Variants in LARS2 observed in about 807,000 individuals in gnomAD.
The protein encoded by LARS2 is leucyl-tRNA synthetase 2, mitochondrial, also known as leucine--tRNA ligase, mitochondrial.
Under a neutral mutation model 116.6 loss-of-function variants are expected in LARS2, and 81 were observed. The observed-to-expected ratio is 0.69, with a 90% CI of 0.58 to 0.84. The LOEUF is 0.84. LARS2 is among the 40% of genes least tolerant of loss of function. The pLI is 0.00. For missense variants in LARS2, 968 were observed against 1,114.5 expected (o/e 0.87, Z 1.87); for synonymous variants, 396 against 407.2 (o/e 0.97, Z 0.33).
At chr3:45,484,630 A>ATATATATATAT (rs1313520791) in intron 10 of LARS2, among the ~76,000 whole-genome samples, 1 of 9,748 alleles carries the variant, frequency 1.0e-4, no homozygotes. Flanking sequence ...AAAAAAAAAA[A>ATATATATATAT]ATATATATAT....
At chr3:45,476,063 CCT>C (rs1491367167) in intron 9 of LARS2, among the ~76,000 whole-genome samples, 1 of 48,032 alleles carries the variant, frequency 2.1e-5, no homozygotes, top group East Asian at 1.6e-3. Flanking sequence ...AAAGTAGATG[CCT>C]TTTTTTTTTT....
At chr3:45,479,947 T>C (rs1699670943) in intron 10 of LARS2, among the ~76,000 whole-genome samples, 1 of 152,220 alleles carries the variant, frequency 6.6e-6, no homozygotes. Flanking sequence ...CTTGGAACTC[T>C]GTTGTTATTG....
chr3:45,416,346 GAGAT>G (rs1698422062), intron 4 of LARS2, among the ~76,000 whole-genome samples: 1 of 152,094 alleles, frequency 6.6e-6, no homozygotes, highest in South Asian at 2.1e-4. Flanking sequence ...GAGAGAGAGA[GAGAT>G]AGAAGAAAGA....
Position 45,476,540 on chromosome 3 carries a change from C to A in LARS2, c.931C>A (p.His311Asn). The change falls in exon 10 of 22, where the codon CAC (histidine) becomes AAC (asparagine). Residue 311 changes from histidine (H) to asparagine (N), a missense_variant. Transcript: ENST00000645846. Reference sequence around the variant, plus strand: ...CCCTGAAGCCATTTATGGCACCTCCCACGTGGCCATCTCGCCCAGCCACAG... The same window carrying A: ...CCCTGAAGCCATTTATGGCACCTCCAACGTGGCCATCTCGCCCAGCCACAG... ...ATPEAIYGTSHVAISPSHRLL... is the reference protein window; with the variant it reads ...ATPEAIYGTSNVAISPSHRLL... 1 of 1,614,218 alleles carries A rather than the reference C, an allele frequency of 6.2e-7. No individual in the cohort carries two copies. The highest frequency in any genetic ancestry group is 1.1e-5 in the South Asian group (1 of 91,090).
rs902422236 is a variant in LARS2, at chr3:45,476,626, A to G, written c.1017A>G (p.Lys339=). 5 of 1,613,940 alleles carry G rather than the reference A, an allele frequency of 3.1e-6. No homozygotes were observed. The Admixed American group carries it at 6.7e-5, about 22-fold the overall frequency. ...EALRMALVPG[K]DCLTPVMAVN... is the part of the protein sequence containing the mutation. ...TGAGGATGGCCCTTGTCCCTGGCAA[A>G]GGTGAGCTGGCAAGTTAACGGCTCA... Residue 339 remains lysine, a splice_region_variant and synonymous_variant, in exon 10 of 22, where the codon AAA becomes AAG. Transcript: ENST00000645846.
chr3:45,538,969 C>T (rs975210753), intron 20 of LARS2, among the ~76,000 whole-genome samples: 1 of 152,104 alleles, frequency 6.6e-6, no homozygotes, highest in African/African-American at 2.4e-5. Flanking sequence ...ACATTCTGGC[C>T]CAAGTTATTT....
At chr3:45,542,046 C>G (rs967429054) in intron 21 of LARS2, 90 bp downstream of exon 21, 30 of 1,512,454 alleles carry the variant, frequency 2.0e-5, no homozygotes, top group Non-Finnish European at 2.4e-5. Context: ...GGTCTATTAG[C>G]AGGCCTTTCT....
chr3:45,529,286 G>A (rs1435364610), intron 20 of LARS2, among the ~76,000 whole-genome samples: 1 of 151,990 alleles, frequency 6.6e-6, no homozygotes, highest in African/African-American at 2.4e-5. Context: ...CTAAGTAGCC[G>A]CCGGGCACGG....
chr3:45,452,120 T>C (rs1469252137), intron 7 of LARS2, among the ~76,000 whole-genome samples: 1 of 152,192 alleles, frequency 6.6e-6, no homozygotes, highest in African/African-American at 2.4e-5. Flanking sequence ...TATAAAATCA[T>C]GTTGTCTGCA....
rs564100416 is a variant in LARS2 at position 45,413,972 on chromosome 3, A to C, written c.364-3510A>C. On this transcript the variant is annotated intron_variant, in intron 4 of 21. Transcript: ENST00000645846. ...AGATGGAGGAAAACTCCAGGTGCTC[A>C]TGTGCAGGTGGAAGTGTGGTTCGCT... 7.2e-4 allele frequency among the ~76,000 whole-genome samples: 110 copies of C among 152,336 alleles called. 1 individual carries two copies. The highest frequency in any genetic ancestry group is 2.3e-3 in the African/African-American group (96 of 41,586).
At chr3:45,464,312 G>T (rs1232619896) in intron 8 of LARS2, among the ~76,000 whole-genome samples, 4 of 152,196 alleles carry the variant, frequency 2.6e-5, no homozygotes, top group African/African-American at 9.6e-5. Flanking sequence ...AAGCAGTGAG[G>T]CAGGGTCCAG....
At chr3:45,466,451 C>T (rs1699427225) in intron 8 of LARS2, among the ~76,000 whole-genome samples, 1 of 152,158 alleles carries the variant, frequency 6.6e-6, no homozygotes, top group Non-Finnish European at 1.5e-5. Flanking sequence ...ACCCCTCATG[C>T]CTGCATTTAC....
At chr3:45,500,668 C>T (rs921387331) in intron 15 of LARS2, 89 bp downstream of exon 15, 6 of 973,824 alleles carry the variant, frequency 6.2e-6, no homozygotes, top group Non-Finnish European at 8.9e-6. Context: ...AAGGTAAATG[C>T]ATGTAGTAGA....
chr3:45,453,879 G>C (rs1418620930), intron 7 of LARS2, among the ~76,000 whole-genome samples: 3 of 152,054 alleles, frequency 2.0e-5, no homozygotes, highest in African/African-American at 7.2e-5. Context: ...AGAAAGAAAA[G>C]AAAAGCAGAG....
chr3:45,402,596 T>G (rs983941311), intron 4 of LARS2, among the ~76,000 whole-genome samples: 1 of 152,222 alleles, frequency 6.6e-6, no homozygotes, highest in Non-Finnish European at 1.5e-5. Flanking sequence ...GTTTGAAATT[T>G]TATGCTGAGC....
At chr3:45,526,742 C>T (rs1225206359) in intron 20 of LARS2, among the ~76,000 whole-genome samples, 2 of 152,006 alleles carry the variant, frequency 1.3e-5, no homozygotes, top group Non-Finnish European at 2.9e-5. Context: ...GACCTATTCC[C>T]ATCCTCTCCC....
intron 11 of LARS2, 68 bp from the exon 12 acceptor site, chr3:45,488,629 T>C: frequency 2.2e-6 from 2 of 903,354 alleles, no homozygotes; most frequent in Non-Finnish European, 3.7e-6. Context: ...TGGGTGTCAG[T>C]ACTGTCAGTT....
intron 10 of LARS2, among the ~76,000 whole-genome samples, chr3:45,479,712 G>A (rs1424453275): frequency 6.6e-6 from 1 of 152,118 alleles, no homozygotes; most frequent in East Asian, 1.9e-4. Flanking sequence ...TGTTATGTAA[G>A]CTCTCACTTG....
intron 8 of LARS2, among the ~76,000 whole-genome samples, chr3:45,472,264 T>G (rs1699540825): frequency 6.6e-6 from 1 of 152,218 alleles, no homozygotes; most frequent in South Asian, 2.1e-4. Flanking sequence ...ATCCTGTGCC[T>G]CTGGGTCACC....
Sources: gnomAD v4.1 joint callset for allele counts (sites outside exome capture counted in the v4.1 genomes callset) on GRCh38, gnomAD v4.1.1 for gene constraint, MANE v1.5 for transcripts, NCBI Gene and HGNC (gene_info 2026-07-23, HGNC 2026-07-21) for gene names.